The following LGR5 variants were observed in gnomAD, a reference collection of about 807,000 sequenced individuals.
LGR5 encodes the protein leucine rich repeat containing G protein-coupled receptor 5.
A neutral mutation model predicts 76.7 loss-of-function variants in LGR5; 54 were observed. The ratio of observed to expected loss-of-function variants is 0.70; its 90% CI spans 0.57 to 0.88. The LOEUF is 0.88. LGR5 is among the 40% of genes least tolerant of loss of function. LGR5 has a pLI of 0.00. For synonymous variants in LGR5, 406 were observed against 421.9 expected, an observed-to-expected ratio of 0.96 and a Z score of 0.46; for missense variants, 1,078 against 1,073.3, an observed-to-expected ratio of 1.00 and a Z score of -0.06.
At chr12:71,558,145 C>A (rs1054327764) in intron 6 of LGR5, among the ~76,000 whole-genome samples, 1 of 152,142 alleles carries the variant, frequency 6.6e-6, no homozygotes, top group Non-Finnish European at 1.5e-5. Context: ...ATGGCATAGA[C>A]AAGCAGTTCC....
rs564600767 is a variant in LGR5, at chr12:71,499,126, G to T, written c.213-5488G>T. On this transcript the variant is annotated intron_variant, in intron 1 of 17. Coordinates refer to ENST00000266674, the MANE Select transcript of LGR5 (RefSeq NM_003667.4). Reference sequence around the variant, plus strand: ...ATAAAGGAATCATGGTGTTTTTCCAGAGCTGAGGTTTTTCCAGGAAAGTAA... The same window carrying T: ...ATAAAGGAATCATGGTGTTTTTCCATAGCTGAGGTTTTTCCAGGAAAGTAA... Among the ~76,000 whole-genome samples the T allele has an allele frequency of 2.0e-5, 3 of 152,286 alleles. No homozygotes were observed. In the East Asian group the frequency reaches 5.8e-4, roughly 29 times the overall value.
intron 11 of LGR5, among the ~76,000 whole-genome samples, chr12:71,568,882 C>T (rs1319014917): frequency 6.6e-6 from 1 of 152,154 alleles, no homozygotes; most frequent in African/African-American, 2.4e-5. Flanking sequence ...TTAGCCCATT[C>T]TGTAGGTTAT....
intron 17 of LGR5, 60 bp from the exon 18 acceptor site, chr12:71,583,587 T>C (rs775533445): frequency 6.5e-7 from 1 of 1,535,540 alleles, no homozygotes; most frequent in Non-Finnish European, 8.8e-7. Context: ...AAAAGGGTAA[T>C]TCAGCAAAAG....
At chr12:71,453,117 G>A (rs1872316279) in intron 1 of LGR5, among the ~76,000 whole-genome samples, 1 of 152,176 alleles carries the variant, frequency 6.6e-6, no homozygotes, top group Non-Finnish European at 1.5e-5. Context: ...AAGAACAGCA[G>A]AAAGGCACCT....
chr12:71,548,082 G>A (rs949870683), intron 4 of LGR5, among the ~76,000 whole-genome samples: 1 of 152,098 alleles, frequency 6.6e-6, no homozygotes, highest in Non-Finnish European at 1.5e-5. Context: ...CTGAATGAAG[G>A]CAAGGCCACT....
At chr12:71,439,537 G>T (rs573366026), upstream of LGR5, among the ~76,000 whole-genome samples, 28 of 152,012 alleles carry the variant, frequency 1.8e-4, no homozygotes, top group African/African-American at 5.8e-4. Flanking sequence ...AGGGTGGGGG[G>T]GTCCCCTATT....
At chr12:71,572,367 C>T (rs1427746041) in intron 12 of LGR5, among the ~76,000 whole-genome samples, 4 of 152,210 alleles carry the variant, frequency 2.6e-5, no homozygotes, top group African/African-American at 9.6e-5. Context: ...CAGGCGTGAG[C>T]CACCGCGCCC....
At chr12:71,447,309 A>G (rs1382276611) in intron 1 of LGR5, among the ~76,000 whole-genome samples, 1 of 152,210 alleles carries the variant, frequency 6.6e-6, no homozygotes, top group Non-Finnish European at 1.5e-5. Flanking sequence ...TCCTTCAAAT[A>G]ATGAAAAACC....
In LGR5 at chr12:71,556,668, G is replaced by A; in HGVS notation, c.694G>A (p.Gly232Arg). 1.2e-6 allele frequency: 2 copies of A among 1,611,502 alleles called. No homozygotes were observed. Among genetic ancestry groups the A allele is most frequent in the Non-Finnish European group, 1.7e-6 (2 of 1,177,664 alleles). ...CTCCCTGGGAAAGAAATGCTTTGAT[G>A]GGCTCCACAGCCTAGAGACTTTGTG... ...IHSLGKKCFD[G>R]LHSLETLDLN... Residue 232 changes from glycine to arginine, a missense_variant, in exon 6 of 18, where the codon GGG becomes AGG. Transcript: ENST00000266674.
chr12:71,481,046 T>G (rs192503805), intron 1 of LGR5, among the ~76,000 whole-genome samples: 1 of 152,314 alleles, frequency 6.6e-6, no homozygotes, highest in Non-Finnish European at 1.5e-5. Context: ...TTTGAACCCA[T>G]GAAATGGGAT....
Position 71,524,446 on chromosome 12 carries a change from G to A in LGR5, c.325G>A (p.Ala109Thr). Residue 109 changes from alanine (A) to threonine (T), a missense_variant, in exon 3 of 18, where the codon GCA (alanine) becomes ACA (threonine). Ala to Thr is a moderately conservative substitution (Grantham distance 58). Coordinates refer to ENST00000266674, the MANE Select transcript of LGR5 (RefSeq NM_003667.4). ...CGCTCTGACATACATTCCCAAGGGAGCATTCACTGGCCTTTACAGTCTTAA... is the reference window on the plus strand; with the variant it reads ...CGCTCTGACATACATTCCCAAGGGAACATTCACTGGCCTTTACAGTCTTAA... The part of the protein sequence containing the change: ...GNALTYIPKG[A>T]FTGLYSLKVL... 1.2e-6 allele frequency: 2 copies of A among 1,613,156 alleles called. No individual in the cohort carries two copies. The highest frequency in any genetic ancestry group is 1.7e-6 in the Non-Finnish European group (2 of 1,179,314).
chr12:71,543,396 A>G (rs74453728), intron 4 of LGR5, among the ~76,000 whole-genome samples: 2 of 152,156 alleles, frequency 1.3e-5, no homozygotes, highest in African/African-American at 2.4e-5. Context: ...AAGACACAGG[A>G]AAGAACCATG....
intron 2 of LGR5, among the ~76,000 whole-genome samples, chr12:71,514,437 G>A (rs1351412408): frequency 1.3e-5 from 2 of 151,974 alleles, no homozygotes; most frequent in East Asian, 1.9e-4. Flanking sequence ...GCGTGGTGGC[G>A]GGCGCCTGTA....
chr12:71,565,675 A>G (rs965816223), intron 8 of LGR5, among the ~76,000 whole-genome samples: 7 of 150,836 alleles, frequency 4.6e-5, no homozygotes, highest in South Asian at 2.1e-4. Flanking sequence ...TAATGAATCA[A>G]TCTTTAAATC....
At chr12:71,573,521 T>C (rs77379879) in intron 13 of LGR5, among the ~76,000 whole-genome samples, 2,252 of 146,604 alleles carry the variant, frequency 0.015, 60 homozygotes, top group African/African-American at 0.054. Flanking sequence ...TGAAATGTTA[T>C]ATATTAAATT....
At chr12:71,487,662 C>A (rs1873892420) in intron 1 of LGR5, among the ~76,000 whole-genome samples, 2 of 152,300 alleles carry the variant, frequency 1.3e-5, no homozygotes, top group Admixed American at 1.3e-4. Flanking sequence ...ATCCTCCCAC[C>A]TTAGCCTCCG....
chr12:71,448,626 A>G (rs2137203472), intron 1 of LGR5: 1 of 150,384 alleles, frequency 6.6e-6, no homozygotes, highest in East Asian at 1.9e-4. Context: ...ATCTATCCGC[A>G]CAAAATACAA....
intron 15 of LGR5, among the ~76,000 whole-genome samples, chr12:71,579,953 G>A (rs73146224): frequency 0.014 from 2,185 of 152,094 alleles, 24 homozygotes; most frequent in Non-Finnish European, 0.024. Context: ...CACTTATTCT[G>A]CCATAAGCAC....
intron 4 of LGR5, among the ~76,000 whole-genome samples, chr12:71,542,810 T>C (rs143059011): frequency 6.6e-6 from 1 of 152,176 alleles, no homozygotes; most frequent in Non-Finnish European, 1.5e-5. Flanking sequence ...GCACTTGTGT[T>C]TGAGGAGGAA....
Sources: gnomAD v4.1 joint callset for allele counts (sites outside exome capture counted in the v4.1 genomes callset) on GRCh38, gnomAD v4.1.1 for gene constraint, MANE v1.5 for transcripts, NCBI Gene and HGNC (gene_info 2026-07-23, HGNC 2026-07-21) for gene names.